HS1BP3: variants seen among roughly 807,000 people sequenced by gnomAD.
HS1BP3 encodes HCLS1-binding protein 3.
A neutral mutation model predicts 33.5 loss-of-function variants in HS1BP3; 32 were observed. The ratio of observed to expected loss-of-function variants is 0.95; its 90% CI spans 0.72 to 1.28. The LOEUF (loss-of-function observed/expected upper bound fraction) is 1.28, where lower values mean the gene tolerates loss of function less well. Among genes scored for constraint, HS1BP3 ranks in the 50% most tolerant of loss-of-function variants. The pLI, the probability that HS1BP3 is intolerant of heterozygous loss-of-function variation, is 0.00. For synonymous variants in HS1BP3, 187 were observed against 209.2 expected, an observed-to-expected ratio of 0.89 and a Z score of 0.92; for missense variants, 486 against 502.3, an observed-to-expected ratio of 0.97 and a Z score of 0.31.
chr2:20,609,829 T>A (rs1327367701), intron 2 of HS1BP3, among the ~76,000 whole-genome samples: 1 of 152,012 alleles, frequency 6.6e-6, no homozygotes, highest in Non-Finnish European at 1.5e-5. Context: ...CCTCAGAGGG[T>A]GCCCCCAGCC....
chr2:20,574,149 G>A (rs80012406), intron 5 of HS1BP3, among the ~76,000 whole-genome samples: 6 of 152,200 alleles, frequency 3.9e-5, no homozygotes, highest in Admixed American at 1.3e-4. Flanking sequence ...TGACTTCTGA[G>A]TGCATCACAG....
chr2:20,631,687 T>A (rs985591213), intron 4 of HS1BP3, among the ~76,000 whole-genome samples: 1 of 151,862 alleles, frequency 6.6e-6, no homozygotes, highest in Admixed American at 6.6e-5. Context: ...GGGCCAGGAC[T>A]CAGTGACAAT....
In HS1BP3 at chr2:20,598,267, T is replaced by C. The variant is rs1252027601; in HGVS notation, c.179-2A>G. 2.4e-6 allele frequency: 1 copy of C among 424,910 alleles called. No homozygotes were observed. Among genetic ancestry groups the C allele is most frequent in the East Asian group, 7.3e-5 (1 of 13,790 alleles). The allele number at this position is 424,910 out of a possible 1,614,324, so 26.3% of individuals were successfully genotyped here. ...TTGCCTGCAACTAGATGGTCCCACC[T>C]TCAGGGGATGAGAGACAGTGATAGA... is the stretch of plus-strand genomic sequence containing the variant. On this transcript the variant is annotated splice_acceptor_variant, in intron 2 of 3. Transcript: ENST00000415264. LOFTEE classifies it high-confidence loss of function.
downstream of HS1BP3, among the ~76,000 whole-genome samples, chr2:20,559,043 C>T (rs907783038): frequency 4.6e-5 from 7 of 152,144 alleles, no homozygotes; most frequent in Non-Finnish European, 1.0e-4. Flanking sequence ...TCGTGAGGAG[C>T]GTGAATGCAG....
intron 2 of HS1BP3, among the ~76,000 whole-genome samples, chr2:20,641,540 G>A (rs888906644): frequency 2.6e-5 from 4 of 152,178 alleles, no homozygotes; most frequent in African/African-American, 9.7e-5. Flanking sequence ...TGATCTCACC[G>A]GCTGGCAGGT....
At chr2:20,571,212 C>A (rs1367380172) in intron 5 of HS1BP3, among the ~76,000 whole-genome samples, 1 of 152,190 alleles carries the variant, frequency 6.6e-6, no homozygotes, top group Non-Finnish European at 1.5e-5. Flanking sequence ...CCCAGCACCC[C>A]CTTCCTTAGG....
At chr2:20,605,579 A>G (rs545069129) in intron 2 of HS1BP3, among the ~76,000 whole-genome samples, 9 of 152,204 alleles carry the variant, frequency 5.9e-5, no homozygotes, top group Non-Finnish European at 1.3e-4. Flanking sequence ...AGGAAAACCT[A>G]TACCTCCCCG....
chr2:20,553,982 C>T, the HS1BP3 span, among the ~76,000 whole-genome samples: 2 of 152,194 alleles, frequency 1.3e-5, no homozygotes, highest in African/African-American at 4.8e-5. Flanking sequence ...GTATTCACAG[C>T]AATACCAGGA....
intron 2 of HS1BP3, among the ~76,000 whole-genome samples, chr2:20,609,264 G>A (rs1694265520): frequency 6.6e-6 from 1 of 152,132 alleles, no homozygotes; most frequent in South Asian, 2.1e-4. Context: ...TCTAGTCCTC[G>A]CTCTCTGCCA....
At chr2:20,634,795 A>G (rs748536732) in intron 4 of HS1BP3, 1 of 152,270 alleles carries the variant, frequency 6.6e-6, no homozygotes, top group African/African-American at 2.4e-5. Flanking sequence ...AGCAAAATCC[A>G]TATTAAAAAA....
intron 5 of HS1BP3, among the ~76,000 whole-genome samples, chr2:20,579,455 G>A (rs1186161434): frequency 6.6e-6 from 1 of 152,236 alleles, no homozygotes; most frequent in Non-Finnish European, 1.5e-5. Flanking sequence ...AACAAAGCTG[G>A]GCCCAGGAGA....
At chr2:20,570,251 T>C (rs1367546544) in intron 5 of HS1BP3, among the ~76,000 whole-genome samples, 1 of 152,210 alleles carries the variant, frequency 6.6e-6, no homozygotes, top group Non-Finnish European at 1.5e-5. Context: ...TAAAGCACTA[T>C]CTCCTGACTC....
intron 5 of HS1BP3, among the ~76,000 whole-genome samples, chr2:20,583,079 T>A (rs1023935436): frequency 6.6e-6 from 1 of 152,124 alleles, no homozygotes; most frequent in African/African-American, 2.4e-5. Context: ...ACCCCCAGCC[T>A]CTGCTCAGGT....
chr2:20,628,005 G>A (rs1042501652), intron 4 of HS1BP3, among the ~76,000 whole-genome samples: 1 of 152,140 alleles, frequency 6.6e-6, no homozygotes, highest in Non-Finnish European at 1.5e-5. Flanking sequence ...AATCCCCAAG[G>A]CGGGAGGGGC....
intron 3 of HS1BP3, among the ~76,000 whole-genome samples, chr2:20,594,539 C>T (rs983749999): frequency 6.6e-6 from 1 of 152,164 alleles, no homozygotes; most frequent in South Asian, 2.1e-4. Flanking sequence ...TGTGTTTTGT[C>T]TCTCAGGTGG....
the HS1BP3 span, among the ~76,000 whole-genome samples, chr2:20,554,193 T>C: frequency 6.6e-6 from 1 of 152,216 alleles, no homozygotes; most frequent in Non-Finnish European, 1.5e-5. Context: ...AGGCTGTTCG[T>C]CATACAACAC....
At chr2:20,589,382 G>T (rs910187263), downstream of HS1BP3, among the ~76,000 whole-genome samples, 1 of 152,200 alleles carries the variant, frequency 6.6e-6, no homozygotes, top group Non-Finnish European at 1.5e-5. Context: ...AAACCCCTGT[G>T]GAACATGACC....
chr2:20,647,327 T>G (rs959358367), intron 1 of HS1BP3, among the ~76,000 whole-genome samples: 6 of 152,192 alleles, frequency 3.9e-5, no homozygotes, highest in South Asian at 2.1e-4. Context: ...GCTGGCCTGG[T>G]CAAAGCCCAC....
In HS1BP3 at chr2:20,624,968, C is replaced by A; in HGVS notation, c.624-76G>T. On this transcript the variant is annotated intron_variant, in intron 4 of 6. Coordinates refer to ENST00000304031, the MANE Select transcript of HS1BP3 (RefSeq NM_022460.4). ...GGTGGTCCGGTCAGACCGACACAGG[C>A]GCTGGGCCCTGCAGTGGAGGGGCTG... is the stretch of plus-strand genomic sequence containing the variant. 4 of 1,537,138 alleles carry A rather than the reference C, an allele frequency of 2.6e-6. No individual in the cohort carries two copies. The South Asian group carries it at 4.5e-5, about 17-fold the overall frequency.
Sources: gnomAD v4.1 joint callset for allele counts (sites outside exome capture counted in the v4.1 genomes callset) on GRCh38, gnomAD v4.1.1 for gene constraint, MANE v1.5 for transcripts, NCBI Gene and HGNC (gene_info 2026-07-23, HGNC 2026-07-21) for gene names.